The following TP53TG5 variants were observed in gnomAD, a reference collection of about 807,000 sequenced individuals.
TP53TG5 encodes the protein TP53 target 5.
In TP53TG5, 17 loss-of-function variants were observed where a neutral mutation model predicts 30.0. That is an observed-to-expected ratio of 0.57 (90% CI 0.39 to 0.85). The LOEUF (loss-of-function observed/expected upper bound fraction) is 0.85. Ranked by LOEUF, TP53TG5 falls within the 40% of genes least tolerant of loss-of-function variation. The pLI, the probability that TP53TG5 is intolerant of heterozygous loss-of-function variation, is 0.00. For synonymous variants in TP53TG5, 137 were observed against 139.2 expected (o/e 0.98, Z 0.11); for missense variants, 338 against 367.9 (o/e 0.92, Z 0.67).
At chr20:45,377,382 T>C in intron 2 of TP53TG5, 40 bp from the exon 3 acceptor site, 4 of 1,613,038 alleles carry the variant, frequency 2.5e-6, no homozygotes, top group Non-Finnish European at 3.4e-6. Flanking sequence ...AAGCTTCAGC[T>C]TTCCTGGACA....
chr20:45,375,973 AC>A (rs1988719437), intron 3 of TP53TG5: 1 of 166,054 alleles, frequency 6.0e-6, no homozygotes, highest in Non-Finnish European at 1.3e-5. Context: ...GCTCATAACA[AC>A]ACAATTGGGG....
At position 45,373,945 on chromosome 20, in the gene TP53TG5, C is replaced by A; in HGVS notation, c.835G>T (p.Gly279Trp). Residue 279 changes from glycine (G) to tryptophan (W), a missense_variant, in exon 5 of 5, where the codon GGG becomes TGG. By Grantham distance (184) the Gly-to-Trp change is radical (BLOSUM62 -2). Transcript: ENST00000372726. ...CGTGAATTTCGCCACCCATTCCTCCCCTTCAGCTGATGGCGCGATCTCCAC... is the reference window on the plus strand; with the variant it reads ...CGTGAATTTCGCCACCCATTCCTCCACTTCAGCTGATGGCGCGATCTCCAC... ...RGWRSRHQLKGRNGWRNSRVY... is the reference protein window; with the variant it reads ...RGWRSRHQLKWRNGWRNSRVY... 1 of 1,613,926 alleles carries A rather than the reference C, an allele frequency of 6.2e-7. No homozygotes were observed. The highest frequency in any genetic ancestry group is 8.5e-7 in the Non-Finnish European group (1 of 1,180,002).
chr20:45,373,961 C>A lies in TP53TG5; in HGVS notation c.819G>T (p.Ser273=). The change falls in exon 5 of 5, where the codon TCG becomes TCT. Residue 273 remains serine (S), a synonymous_variant. Transcript: ENST00000372726. ...RARGASRGWR[S]RHQLKGRNGW... ...CATTCCTCCCCTTCAGCTGATGGCG[C>A]GATCTCCACCCTCTGCTCGCACCTC... 6.2e-7 allele frequency: 1 copy of A among 1,613,568 alleles called. No homozygotes were observed. Among genetic ancestry groups the A allele is most frequent in the Non-Finnish European group, 8.5e-7 (1 of 1,179,880 alleles).
At chr20:45,374,708 C>A (rs1337239219) in intron 4 of TP53TG5, 11 of 442,386 alleles carry the variant, frequency 2.5e-5, no homozygotes. Context: ...TCCTTAAACC[C>A]ACTTATGTAG....
At chr20:45,374,058 G>C in intron 4 of TP53TG5, 47 bp from the exon 5 acceptor site, 1 of 1,591,090 alleles carries the variant, frequency 6.3e-7, no homozygotes, top group Non-Finnish European at 8.6e-7. Flanking sequence ...GTCCCCAGGG[G>C]GCGCTGGTCG....
Position 45,378,202 on chromosome 20 carries a change from C to A in TP53TG5, c.35G>T (p.Ser12Ile). The A allele has an allele frequency of 6.2e-7, 1 of 1,614,142 alleles. No homozygotes were observed. Among genetic ancestry groups the A allele is most frequent in the Non-Finnish European group, 8.5e-7 (1 of 1,179,982 alleles). The stretch of plus-strand genomic sequence containing the variant: ...CCCAAGTCTGACCTTGGAAACCCTG[C>A]TGTTCTTGGGCCTCTTCTTTGCTGA... ...SPSAKKRPKN[S>I]RVSKMQDEKL... The change falls in exon 1 of 5, where the codon AGC becomes ATC. Residue 12 changes from serine (S) to isoleucine (I), a missense_variant. Ser to Ile is a moderately radical substitution (Grantham distance 142). Coordinates refer to ENST00000372726, the MANE Select transcript of TP53TG5 (RefSeq NM_014477.3).
chr20:45,374,838 G>A (rs1568922068), intron 4 of TP53TG5: 5 of 648,282 alleles, frequency 7.7e-6, no homozygotes, highest in East Asian at 5.6e-5. Flanking sequence ...ATCCTGAGAC[G>A]CCTCAACCTA....
At chr20:45,376,807 C>T (rs1386370158) in intron 3 of TP53TG5, 1 of 155,084 alleles carries the variant, frequency 6.4e-6, no homozygotes, top group Non-Finnish European at 1.4e-5. Context: ...AACCAAGCCT[C>T]AGCAAGATTA....
At position 45,377,205 on chromosome 20, in the gene TP53TG5, A is replaced by G. The variant is rs752830982; in HGVS notation, c.254+7T>C. 1.2e-6 allele frequency: 2 copies of G among 1,613,244 alleles called. No homozygotes were observed. Among genetic ancestry groups the G allele is most frequent in the Non-Finnish European group, 1.7e-6 (2 of 1,180,022 alleles). On this transcript the variant is annotated splice_region_variant and intron_variant, in intron 3 of 4. Transcript: ENST00000372726. Reference sequence around the variant, plus strand: ...GGGTCCATTATGGGGGCCAGGCCCCAGCTTACCCAGAGGAGATGCGGAGAA... The same window carrying G: ...GGGTCCATTATGGGGGCCAGGCCCCGGCTTACCCAGAGGAGATGCGGAGAA...
intron 3 of TP53TG5, 93 bp from the exon 4 acceptor site, chr20:45,375,645 A>G: frequency 6.8e-7 from 1 of 1,477,994 alleles, no homozygotes; most frequent in Non-Finnish European, 9.0e-7. Context: ...GAGCCTGTTA[A>G]GAAAGGCTAG....
In TP53TG5 at chr20:45,373,724, G is replaced by A. The variant is rs1988628076; in HGVS notation, c.*183C>T. 1 of 610,468 alleles carries A rather than the reference G, an allele frequency of 1.6e-6. No individual in the cohort carries two copies. Among genetic ancestry groups the A allele is most frequent in the Non-Finnish European group, 2.9e-6 (1 of 343,360 alleles). The allele number at this position is 610,468 out of a possible 1,614,324, so 37.8% of individuals were successfully genotyped here. ...GAGACTAGCTCGCGGAGGTGGGGGA[G>A]GGGTGCTGCTCGCTGGCTTCTTTGG... On this transcript the variant is annotated 3_prime_UTR_variant, in exon 5 of 5. Coordinates refer to ENST00000372726, the MANE Select transcript of TP53TG5 (RefSeq NM_014477.3).
At chr20:45,376,953 A>G (rs1019059141) in intron 3 of TP53TG5, among the ~76,000 whole-genome samples, 4 of 152,124 alleles carry the variant, frequency 2.6e-5, no homozygotes, top group African/African-American at 4.8e-5. Context: ...GATTACAACC[A>G]TTGTTATGGC....
chr20:45,377,247 C>A lies in TP53TG5; in HGVS notation c.219G>T (p.Leu73=). The A allele has an allele frequency of 1.2e-6, 2 of 1,614,076 alleles. No individual in the cohort carries two copies. The highest frequency in any genetic ancestry group is 1.7e-6 in the Non-Finnish European group (2 of 1,180,040). Reference sequence around the variant, plus strand: ...TGCGGAGAATCTTTGGAACACTGAGCAGTGAATGCCAACACCTTTTGGCCA... The same window carrying A: ...TGCGGAGAATCTTTGGAACACTGAGAAGTGAATGCCAACACCTTTTGGCCA... The part of the protein sequence containing the change: ...HKLAKRCWHS[L]LSVPKILRIS... The change falls in exon 3 of 5, where the codon CTG becomes CTT. Residue 73 remains leucine (L), a synonymous_variant. Transcript: ENST00000372726.
Position 45,375,232 on chromosome 20 carries a change from T to C in TP53TG5, c.575A>G (p.Asn192Ser), listed in dbSNP as rs749095880. The C allele has an allele frequency of 1.1e-5, 17 of 1,614,058 alleles. No individual in the cohort carries two copies. The African/African-American group carries it at 2.0e-4, about 19-fold the overall frequency. Residue 192 changes from asparagine to serine, a missense_variant, in exon 4 of 5, where the codon AAT becomes AGT. Transcript: ENST00000372726. ...CTTCATGTGCCCCATGGGAGTTCTA[T>C]TGCGGTAGGGCTTAATGAAGATGAC... is the stretch of plus-strand genomic sequence containing the variant. ...PRVIFIKPYR[N>S]RTPMGHMKQL...
chr20:45,377,637 A>G, intron 1 of TP53TG5, 24 bp from the exon 2 acceptor site: 1 of 1,610,700 alleles, frequency 6.2e-7, no homozygotes, highest in Non-Finnish European at 8.5e-7. Flanking sequence ...GATAAGAGAG[A>G]CATAAACCCA....
Position 45,375,319 on chromosome 20 carries a change from G to C in TP53TG5, c.488C>G (p.Ser163Trp), listed in dbSNP as rs374959663. ...KHIEPEVPRT[S>W]RDDSLNPGVQ... Reference sequence around the variant, plus strand: ...TCCAGGGTTCAAGCTATCATCCCTCGATGTCCTTGGAACCTCAGGCTCTAT... The same window carrying C: ...TCCAGGGTTCAAGCTATCATCCCTCCATGTCCTTGGAACCTCAGGCTCTAT... Residue 163 changes from serine (S) to tryptophan (W), a missense_variant, in exon 4 of 5, where the codon TCG (serine) becomes TGG (tryptophan). By Grantham distance (177) the Ser-to-Trp change is radical. Transcript: ENST00000372726. 5.6e-6 allele frequency: 9 copies of C among 1,614,106 alleles called. No individual in the cohort carries two copies. The highest frequency in any genetic ancestry group is 7.6e-6 in the Non-Finnish European group (9 of 1,180,028).
At chr20:45,377,725 G>T in intron 1 of TP53TG5, 112 bp from the exon 2 acceptor site, 2 of 982,584 alleles carry the variant, frequency 2.0e-6, no homozygotes, top group Non-Finnish European at 3.1e-6. Context: ...CTCATTTGAG[G>T]TCAGGAGTTT....
intron 1 of TP53TG5, 115 bp downstream of exon 1, chr20:45,378,074 A>T: frequency 7.0e-7 from 1 of 1,430,988 alleles, no homozygotes. Context: ...ACCTCCCTTC[A>T]CCCTTCACCT....
chr20:45,372,838 G>A lies in TP53TG5; in HGVS notation c.*1069C>T, dbSNP rs577033258. On this transcript the variant is annotated 3_prime_UTR_variant, in exon 5 of 5. Transcript: ENST00000372726. ...CACTATGAGGTGCTAAGCAGTCCCC[G>A]CGCTGTGGCTCCGCCCAGGCTGGTC... 6.6e-6 allele frequency: 1 copy of A among 151,976 alleles called. No individual in the cohort carries two copies. The highest frequency in any genetic ancestry group is 1.9e-4 in the East Asian group (1 of 5,140). 9.4% of individuals were successfully genotyped at this position (151,976 alleles called of 1,614,324 possible).
Sources: gnomAD v4.1 joint callset for allele counts (sites outside exome capture counted in the v4.1 genomes callset) on GRCh38, gnomAD v4.1.1 for gene constraint, MANE v1.5 for transcripts, NCBI Gene and HGNC (gene_info 2026-07-23, HGNC 2026-07-21) for gene names.